Variants in RTKN observed in about 807,000 individuals in gnomAD.
RTKN encodes the protein rhotekin.
Under a neutral mutation model 63.5 loss-of-function variants are expected in RTKN, and 49 were observed. The observed-to-expected ratio is 0.77, with a 90% confidence interval of 0.61 to 0.98. RTKN has a LOEUF of 0.98. Among genes scored for constraint, RTKN ranks in the 50% least tolerant of loss-of-function variants. The probability of loss-of-function intolerance (pLI) is 0.00; values close to 1 mark genes in which losing one functional copy is unlikely to be tolerated. For missense variants in RTKN, 685 were observed against 740.8 expected, an observed-to-expected ratio of 0.92 and a Z score of 0.87; for synonymous variants, 295 against 290.4, an observed-to-expected ratio of 1.02 and a Z score of -0.16.
intron 1 of RTKN, 60 bp from the exon 2 acceptor site, chr2:74,432,726 C>A (rs1286333941): frequency 1.4e-6 from 2 of 1,477,398 alleles, no homozygotes; most frequent in Non-Finnish European, 1.9e-6. Context: ...GGCTAAAGCA[C>A]TCCCCAGTCC....
chr2:74,426,747 G>T, intron 11 of RTKN, 173 bp from the exon 12 acceptor site: 1 of 1,380,644 alleles, frequency 7.2e-7, no homozygotes, highest in Non-Finnish European at 9.3e-7. Flanking sequence ...TGGGGCTACA[G>T]GCTCTGATAA....
At chr2:74,432,762 T>G in intron 1 of RTKN, 96 bp from the exon 2 acceptor site, 1 of 1,029,438 alleles carries the variant, frequency 9.7e-7, no homozygotes, top group Non-Finnish European at 1.5e-6. Context: ...CCAGTAAAAC[T>G]GACAAGAAAC....
At chr2:74,427,944 TG>T in intron 9 of RTKN, 1 of 488,398 alleles carries the variant, frequency 2.0e-6, no homozygotes, top group Non-Finnish European at 3.7e-6. Context: ...CAATTGGACC[TG>T]GAGAGAAATG....
At chr2:74,427,894 G>A (rs900155431) in intron 9 of RTKN, 1 of 479,910 alleles carries the variant, frequency 2.1e-6, no homozygotes. Flanking sequence ...ACAAAAAGTA[G>A]GCAGGAAAGC....
intron 1 of RTKN, chr2:74,440,143 G>C (rs1671281574): frequency 2.3e-6 from 1 of 428,932 alleles, no homozygotes; most frequent in Non-Finnish European, 3.2e-6. Context: ...CTAGAGTCAT[G>C]GGGTTTGCAG....
intron 1 of RTKN, among the ~76,000 whole-genome samples, chr2:74,437,719 G>A (rs912807267): frequency 2.0e-5 from 3 of 152,214 alleles, no homozygotes; most frequent in Non-Finnish European, 4.4e-5. Context: ...TGTAACTGAT[G>A]TGGACAGTGC....
At position 74,426,357 on chromosome 2, in the gene RTKN, TG is replaced by T; in HGVS notation, c.1577del (p.Pro526GlnfsTer129). On this transcript the variant is annotated frameshift_variant, in exon 12 of 12. Transcript: ENST00000272430. LOFTEE classifies it high-confidence loss of function. ...CCGAGCGAGCCCTAGGGGAGTGGTC[TG>T]GGGGGACAGCATCCAGGGAAAAGGT... ...PRTFSLDAVPPDHSPRARSVA... is the reference protein window; with the variant it reads ...PRTFSLDAVPXDHSPRARSVA... The T allele has an allele frequency of 6.2e-7, 1 of 1,611,402 alleles. No individual in the cohort carries two copies.
At chr2:74,435,922 C>T (rs544373414) in intron 1 of RTKN, among the ~76,000 whole-genome samples, 26 of 152,350 alleles carry the variant, frequency 1.7e-4, no homozygotes, top group Admixed American at 6.5e-4. Flanking sequence ...ACTTTTATCA[C>T]CTTCCCCCAT....
chr2:74,436,613 G>A lies in RTKN; in HGVS notation c.112-3947C>T, dbSNP rs1671076721. Among the ~76,000 whole-genome samples the A allele has an allele frequency of 1.3e-5, 2 of 152,172 alleles. No individual in the cohort carries two copies. The highest frequency in any genetic ancestry group is 4.8e-5 in the African/African-American group (2 of 41,448). ...GACCCCTTGCCTGAGAGTATGGAGG[G>A]CGAATAGTGTATAAATTGGGAGAGC... On this transcript the variant is annotated intron_variant, in intron 1 of 11. Coordinates refer to ENST00000272430, the MANE Select transcript of RTKN (RefSeq NM_001015055.2). This position sits in a 1 kb window ranked among gnomAD's most constrained non-coding sequence, Gnocchi z 4.3.
rs376570314 is a variant in RTKN, at chr2:74,439,091, A to G, written c.111+2615T>C. On this transcript the variant is annotated intron_variant, in intron 1 of 11. Coordinates refer to ENST00000272430, the MANE Select transcript of RTKN (RefSeq NM_001015055.2). ...TTGAGCCAGGACCAGCCTGGGCAATATAGTGAGACCTCGTCTCTGTAAAGA... is the reference window on the plus strand; with the variant it reads ...TTGAGCCAGGACCAGCCTGGGCAATGTAGTGAGACCTCGTCTCTGTAAAGA... Among the ~76,000 whole-genome samples, 161 of 152,306 alleles carry G rather than the reference A, an allele frequency of 1.1e-3. 1 individual carries two copies. The Middle Eastern group carries it at 0.054, about 51-fold the overall frequency.
intron 1 of RTKN, among the ~76,000 whole-genome samples, 161 bp downstream of exon 1, chr2:74,441,545 C>G (rs1340387499): frequency 6.6e-6 from 1 of 152,238 alleles, no homozygotes; most frequent in African/African-American, 2.4e-5. Context: ...AAATGCAGAC[C>G]GTCCACACCT....
In RTKN at chr2:74,427,516, C is replaced by A; in HGVS notation, c.1163G>T (p.Gly388Val). 6.2e-7 allele frequency: 1 copy of A among 1,614,166 alleles called. No individual in the cohort carries two copies. Among genetic ancestry groups the A allele is most frequent in the Non-Finnish European group, 8.5e-7 (1 of 1,180,036 alleles). The stretch of plus-strand genomic sequence containing the variant: ...AAGGGTGTGTGTCACCTCATCATCC[C>A]CATACTGGTTACTGATGCTTAGGGT... ...PFTLSISNQY[G>V]DDEVTHTLQT... The change falls in exon 10 of 12, where the codon GGG (glycine) becomes GTG (valine). Residue 388 changes from glycine (G) to valine (V), a missense_variant. Gly to Val is a moderately radical substitution (Grantham distance 109, BLOSUM62 -3). Coordinates refer to ENST00000272430, the MANE Select transcript of RTKN (RefSeq NM_001015055.2).
At chr2:74,440,636 G>A in intron 1 of RTKN, 1 of 909,992 alleles carries the variant, frequency 1.1e-6, no homozygotes, top group Non-Finnish European at 1.3e-6. Flanking sequence ...CCCTCCCCCT[G>A]GTCCCGGGCC....
intron 1 of RTKN, chr2:74,439,444 A>G (rs967121810): frequency 8.6e-6 from 11 of 1,277,376 alleles, no homozygotes; most frequent in Non-Finnish European, 1.2e-5. Flanking sequence ...TTCCCACTTT[A>G]AGCAGGCCTG....
Position 74,426,011 on chromosome 2 carries a change from T to C in RTKN, c.*232A>G. The stretch of plus-strand genomic sequence containing the variant: ...TAGGGCAGAGTTGGTTCCAGTTTTC[T>C]TCCAGGAAGGGTTTAGGGAGGTCCC... On this transcript the variant is annotated 3_prime_UTR_variant, in exon 12 of 12. Coordinates refer to ENST00000272430, the MANE Select transcript of RTKN (RefSeq NM_001015055.2). 3.1e-6 allele frequency: 2 copies of C among 642,792 alleles called. No homozygotes were observed. Among genetic ancestry groups the C allele is most frequent in the Non-Finnish European group, 5.3e-6 (2 of 376,086 alleles). The allele number at this position is 642,792 out of a possible 1,614,324, so 39.8% of individuals were successfully genotyped here.
rs377536202 is a variant in RTKN, at chr2:74,426,358, G to C, written c.1577C>G (p.Pro526Arg). The C allele has an allele frequency of 5.0e-6, 8 of 1,611,336 alleles. No individual in the cohort carries two copies. The highest frequency in any genetic ancestry group is 6.8e-6 in the Non-Finnish European group (8 of 1,178,040). The change falls in exon 12 of 12, where the codon CCA (proline) becomes CGA (arginine). Residue 526 changes from proline (P) to arginine (R), a missense_variant. By Grantham distance (103) the Pro-to-Arg change is moderately radical (BLOSUM62 -2). Coordinates refer to ENST00000272430, the MANE Select transcript of RTKN (RefSeq NM_001015055.2). ...CGAGCGAGCCCTAGGGGAGTGGTCT[G>C]GGGGGACAGCATCCAGGGAAAAGGT... ...PRTFSLDAVPPDHSPRARSVA... is the reference protein window; with the variant it reads ...PRTFSLDAVPRDHSPRARSVA...
chr2:74,430,751 G>A lies in RTKN; in HGVS notation c.312-74C>T, dbSNP rs1670704665. 2.8e-6 allele frequency: 4 copies of A among 1,437,692 alleles called. No individual in the cohort carries two copies. In the Admixed American group the frequency reaches 5.9e-5, roughly 21 times the overall value. 89.1% of individuals were successfully genotyped at this position (1,437,692 alleles called of 1,614,324 possible). On this transcript the variant is annotated intron_variant, in intron 2 of 11. Coordinates refer to ENST00000272430, the MANE Select transcript of RTKN (RefSeq NM_001015055.2). Reference sequence around the variant, plus strand: ...CCTTGCTCTGGTCCCAACGACTCTAGGATCCCCCTGATCCCAGCGCCTCAG... The same window carrying A: ...CCTTGCTCTGGTCCCAACGACTCTAAGATCCCCCTGATCCCAGCGCCTCAG...
chr2:74,428,802 T>C (rs1670570220), intron 7 of RTKN, 46 bp downstream of exon 7: 1 of 1,605,470 alleles, frequency 6.2e-7, no homozygotes, highest in Admixed American at 1.7e-5. Context: ...ACAGCCCCTC[T>C]TCTCACCATC....
At chr2:74,433,704 G>A (rs906097773) in intron 1 of RTKN, among the ~76,000 whole-genome samples, 5 of 152,062 alleles carry the variant, frequency 3.3e-5, no homozygotes, top group East Asian at 1.9e-4. Context: ...AGTGTTAACC[G>A]GGATGGTCTC....
Sources: gnomAD v4.1 joint callset for allele counts (sites outside exome capture counted in the v4.1 genomes callset) on GRCh38, gnomAD v4.1.1 for gene constraint, Gnocchi (gnomAD v3.1) non-coding constraint, MANE v1.5 for transcripts, NCBI Gene and HGNC (gene_info 2026-07-23, HGNC 2026-07-21) for gene names.